Variants in EHBP1L1 observed in about 807,000 individuals in gnomAD.
The protein encoded by EHBP1L1 is EH domain-binding protein 1-like protein 1.
Under a neutral mutation model 151.1 loss-of-function variants are expected in EHBP1L1, and 122 were observed. The ratio of observed to expected loss-of-function variants is 0.81; its 90% CI spans 0.70 to 0.94. The LOEUF is 0.94. Among genes scored for constraint, EHBP1L1 ranks in the 40% least tolerant of loss-of-function variants. The probability of loss-of-function intolerance (pLI) is 0.00; values close to 1 mark genes in which losing one functional copy is unlikely to be tolerated. For missense variants in EHBP1L1, 1,941 were observed against 1,959.8 expected (o/e 0.99, Z 0.18); for synonymous variants, 878 against 810.1 (o/e 1.08, Z -1.42).
At chr11:65,579,884 C>G (rs373290422) in intron 3 of EHBP1L1, 52 bp from the exon 4 acceptor site, 11 of 1,596,724 alleles carry the variant, frequency 6.9e-6, no homozygotes, top group Non-Finnish European at 9.4e-6. Flanking sequence ...AAGCTCTGCT[C>G]CCTTTGCTGC....
intron 12 of EHBP1L1, among the ~76,000 whole-genome samples, chr11:65,586,270 A>G (rs1169115425): frequency 6.6e-6 from 1 of 152,174 alleles, no homozygotes; most frequent in Non-Finnish European, 1.5e-5. Flanking sequence ...TGAAGGGGAC[A>G]TGGTCCCAGA....
At chr11:65,586,103 C>A (rs1857955589) in intron 12 of EHBP1L1, among the ~76,000 whole-genome samples, 1 of 152,208 alleles carries the variant, frequency 6.6e-6, no homozygotes, top group African/African-American at 2.4e-5. Flanking sequence ...CTCCCAGCCC[C>A]AGGACTCTGG....
At position 65,576,062 on chromosome 11, in the gene EHBP1L1, C is replaced by A; in HGVS notation, c.-241C>A. 3.5e-6 allele frequency: 1 copy of A among 282,042 alleles called. No individual in the cohort carries two copies. The highest frequency in any genetic ancestry group is 6.0e-5 in the East Asian group (1 of 16,674). The allele number at this position is 282,042 out of a possible 1,614,324, so 17.5% of individuals were successfully genotyped here. A position where few individuals can be genotyped will look rare whatever the true frequency, so the allele number is the denominator to read the frequency against. ...ACGGGGGTGCGGCTCCAGGAAACGGCGCGCTCCCAGCTCCGCGCTCGCCAC... is the reference window on the plus strand; with the variant it reads ...ACGGGGGTGCGGCTCCAGGAAACGGAGCGCTCCCAGCTCCGCGCTCGCCAC... On this transcript the variant is annotated 5_prime_UTR_variant, in exon 1 of 19. Coordinates refer to ENST00000309295, the MANE Select transcript of EHBP1L1 (RefSeq NM_001099409.3).
chr11:65,588,299 C>T (rs1313663605), intron 12 of EHBP1L1, among the ~76,000 whole-genome samples: 5 of 152,134 alleles, frequency 3.3e-5, no homozygotes, highest in Non-Finnish European at 5.9e-5. Context: ...AACTGAAAGT[C>T]GGCCACTGTG....
At chr11:65,589,717 C>T (rs1254265703) in intron 12 of EHBP1L1, 34 bp from the exon 13 acceptor site, 6 of 1,499,044 alleles carry the variant, frequency 4.0e-6, no homozygotes, top group Non-Finnish European at 5.3e-6. Context: ...GGTGGGAAAC[C>T]CCTCCCAGCC....
chr11:65,584,201 C>A, intron 9 of EHBP1L1, 40 bp from the exon 10 acceptor site: 1 of 1,586,462 alleles, frequency 6.3e-7, no homozygotes, highest in Non-Finnish European at 8.5e-7. Context: ...GGGCATACAT[C>A]CCATTTATAC....
At chr11:65,579,857 C>G in intron 3 of EHBP1L1, 79 bp from the exon 4 acceptor site, 2 of 1,462,490 alleles carry the variant, frequency 1.4e-6, no homozygotes, top group Non-Finnish European at 1.9e-6. Context: ...CACTACCAAG[C>G]ACCTCCTGAG....
chr11:65,588,053 G>A (rs1340882724), intron 12 of EHBP1L1, among the ~76,000 whole-genome samples: 3 of 152,182 alleles, frequency 2.0e-5, no homozygotes, highest in African/African-American at 4.8e-5. Flanking sequence ...AGCTGTGACG[G>A]GGTGAGTGGG....
At chr11:65,579,471 G>A (rs758940258) in intron 3 of EHBP1L1, 35 bp downstream of exon 3, 9 of 1,419,780 alleles carry the variant, frequency 6.3e-6, no homozygotes, top group Non-Finnish European at 6.5e-6. Flanking sequence ...GATGGCAATT[G>A]CAACACAGGC....
In EHBP1L1 at chr11:65,582,170, G is replaced by A; in HGVS notation, c.1498G>A (p.Ala500Thr). 1 of 1,572,704 alleles carries A rather than the reference G, an allele frequency of 6.4e-7. No individual in the cohort carries two copies. The highest frequency in any genetic ancestry group is 8.6e-7 in the Non-Finnish European group (1 of 1,160,910). The change falls in exon 9 of 19, where the codon GCT becomes ACT. Residue 500 changes from alanine (A) to threonine (T), a missense_variant. Transcript: ENST00000309295. ...ACTTGGTGACCTCGAGGGGGCCAGG[G>A]CTGCTGCAGGCCAGGAGAGAGAGGG... ...GQLGDLEGAR[A>T]AAGQEREGAE...
At position 65,582,251 on chromosome 11, in the gene EHBP1L1, C is replaced by T; in HGVS notation, c.1579C>T (p.Pro527Ser). 5.9e-6 allele frequency: 9 copies of T among 1,526,636 alleles called. No homozygotes were observed. Among genetic ancestry groups the T allele is most frequent in the Non-Finnish European group, 7.9e-6 (9 of 1,142,096 alleles). The allele number at this position is 1,526,636 out of a possible 1,614,324, so 94.6% of individuals were successfully genotyped here. A position where few individuals can be genotyped will look rare whatever the true frequency, so the allele number is the denominator to read the frequency against. Residue 527 changes from proline to serine, a missense_variant, in exon 9 of 19, where the codon CCT (proline) becomes TCT (serine). Coordinates refer to ENST00000309295, the MANE Select transcript of EHBP1L1 (RefSeq NM_001099409.3). The stretch of plus-strand genomic sequence containing the variant: ...TGAGGGGACAGGCCTGGAGCAGGGC[C>T]CTTCTGTTGGAGCAATAAGCACCAG... ...GIEGTGLEQG[P>S]SVGAISTRPQ...
At chr11:65,577,859 GA>G (rs1237638415) in intron 1 of EHBP1L1, among the ~76,000 whole-genome samples, 2 of 152,196 alleles carry the variant, frequency 1.3e-5, no homozygotes, top group Non-Finnish European at 2.9e-5. Flanking sequence ...GGTTAACAGA[GA>G]GGCACTTATC....
Position 65,581,538 on chromosome 11 carries a change from G to T in EHBP1L1, c.867-1G>T. On this transcript the variant is annotated splice_acceptor_variant, in intron 8 of 18. Transcript: ENST00000309295. LOFTEE classifies it high-confidence loss of function. ...AACTCCCCCTCCTGCTCTCTTCTCA[G>T]GTCTTCAAGGCAGCCAGCCCAGGAC... 6.7e-7 allele frequency: 1 copy of T among 1,491,050 alleles called. No individual in the cohort carries two copies. Among genetic ancestry groups the T allele is most frequent in the East Asian group, 2.4e-5 (1 of 42,154 alleles). 92.4% of individuals were successfully genotyped at this position (1,491,050 alleles called of 1,614,324 possible). A position where few individuals can be genotyped will look rare whatever the true frequency, so the allele number is the denominator to read the frequency against.
chr11:65,589,802 G>A lies in EHBP1L1; in HGVS notation c.3985G>A (p.Asp1329Asn). 1 of 1,563,822 alleles carries A rather than the reference G, an allele frequency of 6.4e-7. No homozygotes were observed. The highest frequency in any genetic ancestry group is 8.7e-7 in the Non-Finnish European group (1 of 1,154,150). ...SPAPGPPTAA[D>N]SQQPPGGSSP... Reference sequence around the variant, plus strand: ...TGCCCCAGGCCCACCCACAGCTGCAGACTCTCAACAGCCCCCTGGTGAGTA... The same window carrying A: ...TGCCCCAGGCCCACCCACAGCTGCAAACTCTCAACAGCCCCCTGGTGAGTA... Residue 1329 changes from aspartate (D) to asparagine (N), a missense_variant, in exon 13 of 19, where the codon GAC becomes AAC. Asp to Asn is a conservative substitution (Grantham distance 23). Transcript: ENST00000309295.
At position 65,584,226 on chromosome 11, in the gene EHBP1L1, C is replaced by A; in HGVS notation, c.3094-15C>A. ...CCCATTTATACATTCCCTAAGCCCA[C>A]CCCTGTGTCCTCAGGCACCACCTGC... is the stretch of plus-strand genomic sequence containing the variant. On this transcript the variant is annotated splice_polypyrimidine_tract_variant and intron_variant, in intron 9 of 18. Transcript: ENST00000309295. The A allele has an allele frequency of 2.5e-6, 4 of 1,604,038 alleles. No individual in the cohort carries two copies. The highest frequency in any genetic ancestry group is 3.4e-6 in the Non-Finnish European group (4 of 1,177,054).
In EHBP1L1 at chr11:65,576,083, G is replaced by A. The variant is rs1393467242; in HGVS notation, c.-220G>A. 2.5e-5 allele frequency: 8 copies of A among 322,468 alleles called. No homozygotes were observed. The highest frequency in any genetic ancestry group is 5.0e-5 in the Admixed American group (1 of 20,060). 20.0% of individuals were successfully genotyped at this position (322,468 alleles called of 1,614,324 possible). A position where few individuals can be genotyped will look rare whatever the true frequency, so the allele number is the denominator to read the frequency against. ...ACGGCGCGCTCCCAGCTCCGCGCTC[G>A]CCACCCGACGCGCCCCAGGCGACCC... On this transcript the variant is annotated 5_prime_UTR_variant, in exon 1 of 19. Transcript: ENST00000309295.
At chr11:65,591,778 C>A in intron 16 of EHBP1L1, 22 bp from the exon 17 acceptor site, 2 of 1,357,026 alleles carry the variant, frequency 1.5e-6, no homozygotes, top group Non-Finnish European at 2.1e-6. Flanking sequence ...CCCCCCGCCA[C>A]CCACCCCCCG....
chr11:65,581,395 AC>A, intron 8 of EHBP1L1, 22 bp downstream of exon 8: 5 of 1,510,848 alleles, frequency 3.3e-6, no homozygotes, highest in East Asian at 2.3e-5. Context: ...AACCAGCCTC[AC>A]CCCCCATTGC....
chr11:65,580,018 G>A (rs1196645353), intron 4 of EHBP1L1, 29 bp downstream of exon 4: 3 of 1,613,826 alleles, frequency 1.9e-6, no homozygotes, highest in Admixed American at 3.3e-5. Flanking sequence ...CTCAGGTCTG[G>A]AATCTTGGGG....
Sources: allele counts gnomAD v4.1 joint callset (sites outside exome capture counted in the v4.1 genomes callset), GRCh38; gene constraint gnomAD v4.1.1; transcripts MANE v1.5; gene names NCBI Gene and HGNC (gene_info 2026-07-23, HGNC 2026-07-21).